Variants in BMPR2 observed in about 807,000 individuals in gnomAD.
The protein encoded by BMPR2 is bone morphogenetic protein receptor type 2, also known as bone morphogenetic protein receptor type-2.
In BMPR2, 29 loss-of-function variants were observed where a neutral mutation model predicts 100.8. The observed-to-expected ratio is 0.29, with a 90% CI of 0.21 to 0.39. The LOEUF is 0.39. Among genes scored for constraint, BMPR2 ranks in the 10% least tolerant of loss-of-function variants. The pLI, the probability that BMPR2 is intolerant of heterozygous loss-of-function variation, is 1.00. For missense variants in BMPR2, 1,011 were observed against 1,274.5 expected (o/e 0.79, Z 3.15); for synonymous variants, 382 against 442.3 (o/e 0.86, Z 1.71).
chr2:202,377,660 C>A, intron 1 of BMPR2, 110 bp downstream of exon 1: 1 of 1,307,724 alleles, frequency 7.6e-7, no homozygotes, highest in East Asian at 2.4e-5. Flanking sequence ...TCCCCCCGAT[C>A]GCGGTGCAGC....
rs186642544 is a variant in BMPR2, at chr2:202,447,799, G to C, written c.77-17010G>C. ...ATATAAAAATTTGAAAGGGAATGTG[G>C]AGTCTTAGGAAGATCCATATTTAAA... On this transcript the variant is annotated intron_variant, in intron 1 of 12. Coordinates refer to ENST00000374580, the MANE Select transcript of BMPR2 (RefSeq NM_001204.7). Among the ~76,000 whole-genome samples, 395 of 150,774 alleles carry C rather than the reference G, an allele frequency of 2.6e-3. 3 individuals are homozygous for C. The highest frequency in any genetic ancestry group is 4.5e-3 in the Non-Finnish European group (306 of 68,028).
intron 3 of BMPR2, among the ~76,000 whole-genome samples, chr2:202,496,743 T>C (rs1275569042): frequency 6.6e-6 from 1 of 152,262 alleles, no homozygotes; most frequent in African/African-American, 2.4e-5. Flanking sequence ...GGTGACAGCG[T>C]GCTGGCAGTC....
intron 1 of BMPR2, among the ~76,000 whole-genome samples, chr2:202,414,021 A>G (rs1691072447): frequency 1.3e-5 from 2 of 152,160 alleles, no homozygotes; most frequent in South Asian, 4.1e-4. Context: ...TACCTTGTTT[A>G]TTGTGCTTCA....
intron 1 of BMPR2, among the ~76,000 whole-genome samples, chr2:202,407,096 T>C: frequency 6.7e-6 from 1 of 149,874 alleles, no homozygotes; most frequent in Non-Finnish European, 1.5e-5. Context: ...TACAGGCATG[T>C]GCTAATTTTT....
intron 1 of BMPR2, among the ~76,000 whole-genome samples, chr2:202,443,489 C>T (rs1691787319): frequency 6.7e-6 from 1 of 150,232 alleles, no homozygotes; most frequent in Non-Finnish European, 1.5e-5. Context: ...TACTTTCTGC[C>T]TCTGTCTCTC....
intron 9 of BMPR2, among the ~76,000 whole-genome samples, chr2:202,536,996 C>T (rs1006994818): frequency 2.0e-5 from 3 of 152,070 alleles, no homozygotes; most frequent in Non-Finnish European, 4.4e-5. Flanking sequence ...CTCTTGGGCT[C>T]AAGCAGTCCT....
chr2:202,387,069 C>T (rs895672391), intron 1 of BMPR2, among the ~76,000 whole-genome samples: 3 of 152,180 alleles, frequency 2.0e-5, no homozygotes, highest in East Asian at 1.9e-4. Context: ...TAGTCACAGT[C>T]ATTTAAAATA....
At chr2:202,444,301 A>G (rs1486054264) in intron 1 of BMPR2, among the ~76,000 whole-genome samples, 1 of 150,592 alleles carries the variant, frequency 6.6e-6, no homozygotes, top group Non-Finnish European at 1.5e-5. Context: ...TTGAACTTAG[A>G]AACATAGAAT....
chr2:202,463,827 C>A (rs1003823448), intron 1 of BMPR2, among the ~76,000 whole-genome samples: 1 of 152,150 alleles, frequency 6.6e-6, no homozygotes, highest in Non-Finnish European at 1.5e-5. Flanking sequence ...TTGAGCATTT[C>A]TTTTTCTGGT....
chr2:202,556,335 G>A lies in BMPR2; in HGVS notation c.2670G>A (p.Arg890=), dbSNP rs769499612. The change falls in exon 12 of 13, where the codon AGG becomes AGA. Residue 890 remains arginine (R), a synonymous_variant. Transcript: ENST00000374580. ...GTGTTCTGGATCGTCTTGTGGACAG[G>A]AGGGAACGGCCACTAGAAGGTGGCC... ...DEGVLDRLVD[R]RERPLEGGRT... The A allele has an allele frequency of 6.2e-7, 1 of 1,614,204 alleles. No homozygotes were observed. Among genetic ancestry groups the A allele is most frequent in the South Asian group, 1.1e-5 (1 of 91,068 alleles).
At chr2:202,409,166 G>A (rs1056992200) in intron 1 of BMPR2, among the ~76,000 whole-genome samples, 1 of 152,048 alleles carries the variant, frequency 6.6e-6, no homozygotes, top group South Asian at 2.1e-4. Flanking sequence ...GCAAGACGGC[G>A]AAACCTTGTC....
chr2:202,497,214 G>A (rs1050150754), intron 3 of BMPR2, among the ~76,000 whole-genome samples: 1 of 152,136 alleles, frequency 6.6e-6, no homozygotes, highest in Non-Finnish European at 1.5e-5. Flanking sequence ...GCCCCTGTGC[G>A]GCCCGAGCCT....
intron 1 of BMPR2, among the ~76,000 whole-genome samples, chr2:202,455,924 G>A (rs915679233): frequency 5.3e-5 from 8 of 150,912 alleles, no homozygotes; most frequent in Non-Finnish European, 1.2e-4. Flanking sequence ...AATTATCTGG[G>A]TGTGGTGGTG....
rs538951134 is a variant in BMPR2 at position 202,535,060 on chromosome 2, C to T, written c.1276+2328C>T. ...CTGACCCCCCCACCTCCCTCCCGGACAGGTCGGCTGGCCTGGCTGGGGGCT... is the reference window on the plus strand; with the variant it reads ...CTGACCCCCCCACCTCCCTCCCGGATAGGTCGGCTGGCCTGGCTGGGGGCT... On this transcript the variant is annotated intron_variant, in intron 9 of 12. Transcript: ENST00000374580. Among the ~76,000 whole-genome samples the T allele has an allele frequency of 1.5e-4, 20 of 132,054 alleles. 2 individuals carry two copies. The highest frequency in any genetic ancestry group is 4.7e-4 in the South Asian group (2 of 4,234). 86.6% of individuals were successfully genotyped at this position (132,054 alleles called of 152,430 possible).
intron 3 of BMPR2, among the ~76,000 whole-genome samples, chr2:202,483,916 ACC>A (rs1692714544): frequency 6.6e-6 from 1 of 152,112 alleles, no homozygotes; most frequent in Admixed American, 6.5e-5. Context: ...ATATAGTGAG[ACC>A]TTGTCTCTGA....
At chr2:202,417,750 A>G (rs1281435767) in intron 1 of BMPR2, among the ~76,000 whole-genome samples, 1 of 139,872 alleles carries the variant, frequency 7.1e-6, no homozygotes, top group Admixed American at 7.3e-5. Context: ...ACAGCGTCTC[A>G]CTCTGTCACC....
At chr2:202,433,217 A>C (rs1691541142) in intron 1 of BMPR2, among the ~76,000 whole-genome samples, 1 of 150,518 alleles carries the variant, frequency 6.6e-6, no homozygotes, top group Admixed American at 6.6e-5. Flanking sequence ...ATTAGTCAGG[A>C]TTCTCCAGAT....
At chr2:202,525,295 T>A (rs1237606560) in intron 7 of BMPR2, among the ~76,000 whole-genome samples, 5 of 151,994 alleles carry the variant, frequency 3.3e-5, no homozygotes. Context: ...CACTGCAACC[T>A]CTGCCTCCCT....
chr2:202,485,212 G>A (rs1352521157), intron 3 of BMPR2, among the ~76,000 whole-genome samples: 1 of 152,052 alleles, frequency 6.6e-6, no homozygotes, highest in Admixed American at 6.6e-5. Flanking sequence ...TTTAAGATGT[G>A]TTTAGTGATC....
Sources: gnomAD v4.1 joint callset for allele counts (sites outside exome capture counted in the v4.1 genomes callset) on GRCh38, gnomAD v4.1.1 for gene constraint, MANE v1.5 for transcripts, NCBI Gene and HGNC (gene_info 2026-07-23, HGNC 2026-07-21) for gene names.